Variants in HIBADH observed in about 807,000 individuals in gnomAD.
HIBADH encodes 3-hydroxyisobutyrate dehydrogenase.
In HIBADH, 25 loss-of-function variants were observed where a neutral mutation model predicts 36.1. That is an observed-to-expected ratio of 0.69 (90% CI 0.50 to 0.97). The LOEUF (loss-of-function observed/expected upper bound fraction) is 0.97. HIBADH is among the 50% of genes least tolerant of loss of function. The probability of loss-of-function intolerance (pLI) is 0.00; values close to 1 mark genes in which losing one functional copy is unlikely to be tolerated. For synonymous variants in HIBADH, 160 were observed against 149.5 expected (o/e 1.07, Z -0.51); for missense variants, 421 against 418.0 (o/e 1.01, Z -0.06).
chr7:27,645,205 C>G (rs981364954), intron 2 of HIBADH, among the ~76,000 whole-genome samples: 1 of 151,884 alleles, frequency 6.6e-6, no homozygotes, highest in Non-Finnish European at 1.5e-5. Flanking sequence ...TAATTCTAAA[C>G]TTTTAATTAT....
At chr7:27,633,310 C>T (rs1458426155) in intron 2 of HIBADH, among the ~76,000 whole-genome samples, 3 of 152,128 alleles carry the variant, frequency 2.0e-5, no homozygotes, top group Non-Finnish European at 4.4e-5. Context: ...CAACTGGCAA[C>T]CAAAGAGGTC....
chr7:27,576,527 C>T (rs1425585293), intron 4 of HIBADH, among the ~76,000 whole-genome samples: 1 of 152,156 alleles, frequency 6.6e-6, no homozygotes, highest in Non-Finnish European at 1.5e-5. Context: ...AAGTTGATTA[C>T]TAAACAGTGA....
chr7:27,527,917 CGTTTTTT>C lies in HIBADH; in HGVS notation c.853-1552_853-1546del, dbSNP rs1244199133. Among the ~76,000 whole-genome samples the C allele has an allele frequency of 6.5e-5, 5 of 77,026 alleles. 1 individual carries two copies. The highest frequency in any genetic ancestry group is 1.6e-4 in the Admixed American group (1 of 6,062). 50.5% of individuals were successfully genotyped at this position (77,026 alleles called of 152,430 possible). A position where few individuals can be genotyped will look rare whatever the true frequency, so the allele number is the denominator to read the frequency against. On this transcript the variant is annotated intron_variant, in intron 7 of 7. Coordinates refer to ENST00000265395, the MANE Select transcript of HIBADH (RefSeq NM_152740.4). ...AGGCATTTGCCACCACCACACCCAG[CGTTTTTT>C]TTTTTTTTTTTTTTTTTTAGTAGAG... is the stretch of plus-strand genomic sequence containing the variant.
intron 4 of HIBADH, among the ~76,000 whole-genome samples, chr7:27,600,637 A>G (rs1357373438): frequency 6.6e-6 from 1 of 152,064 alleles, no homozygotes; most frequent in East Asian, 1.9e-4. Flanking sequence ...TCTAGTAAGC[A>G]TTTCTAGAAA....
intron 4 of HIBADH, among the ~76,000 whole-genome samples, chr7:27,596,488 C>T (rs1785035990): frequency 6.6e-6 from 1 of 152,132 alleles, no homozygotes; most frequent in African/African-American, 2.4e-5. Context: ...GCAACATCTA[C>T]CAAAATTTAA....
intron 4 of HIBADH, among the ~76,000 whole-genome samples, chr7:27,594,788 C>T (rs1785003568): frequency 6.6e-6 from 1 of 151,936 alleles, no homozygotes; most frequent in African/African-American, 2.4e-5. Context: ...ACAGAGAGCT[C>T]AGAAAAAGAC....
intron 4 of HIBADH, among the ~76,000 whole-genome samples, chr7:27,573,972 CTTATA>C (rs1247529445): frequency 2.8e-4 from 42 of 152,080 alleles, no homozygotes; most frequent in Admixed American, 2.7e-3. Context: ...ACACATGTGG[CTTATA>C]TTACATTTCT....
intron 4 of HIBADH, among the ~76,000 whole-genome samples, chr7:27,614,206 T>C (rs1168776810): frequency 3.3e-5 from 5 of 152,200 alleles, no homozygotes; most frequent in Admixed American, 2.6e-4. Context: ...CTTTAAGTTG[T>C]TCTGAGTATT....
intron 2 of HIBADH, among the ~76,000 whole-genome samples, chr7:27,644,688 C>T (rs1326067002): frequency 6.6e-6 from 1 of 151,850 alleles, no homozygotes; most frequent in Non-Finnish European, 1.5e-5. Flanking sequence ...TCACTCGAAC[C>T]CAGGAGGTGG....
At chr7:27,657,401 G>A (rs557315766) in intron 1 of HIBADH, among the ~76,000 whole-genome samples, 1 of 152,146 alleles carries the variant, frequency 6.6e-6, no homozygotes, top group Non-Finnish European at 1.5e-5. Flanking sequence ...ACCAGGTGAT[G>A]AGCATTATGT....
chr7:27,620,060 C>G (rs916543302), intron 4 of HIBADH, among the ~76,000 whole-genome samples: 1 of 152,202 alleles, frequency 6.6e-6, no homozygotes, highest in Non-Finnish European at 1.5e-5. Flanking sequence ...GTAGCTCACT[C>G]CTGTAATCCC....
intron 1 of HIBADH, among the ~76,000 whole-genome samples, chr7:27,649,876 T>C (rs929203359): frequency 9.9e-5 from 15 of 151,384 alleles, no homozygotes; most frequent in African/African-American, 3.6e-4. Context: ...CAAAAATAAA[T>C]AATAATATTT....
Position 27,632,369 on chromosome 7 carries a change from A to G in HIBADH, c.329T>C (p.Ile110Thr), listed in dbSNP as rs138022348. 7 of 1,612,710 alleles carry G rather than the reference A, an allele frequency of 4.3e-6. No individual in the cohort carries two copies. Among genetic ancestry groups the G allele is most frequent in the Non-Finnish European group, 5.9e-6 (7 of 1,178,956 alleles). The change falls in exon 3 of 8, where the codon ATA (isoleucine) becomes ACA (threonine). Residue 110 changes from isoleucine to threonine, a missense_variant. Coordinates refer to ENST00000265395, the MANE Select transcript of HIBADH (RefSeq NM_152740.4). ...ITMLPTSINA[I>T]EAYSGANGIL... is the part of the protein sequence containing the mutation. ...CCCATTTGCTCCGGAATAAGCTTCT[A>G]TTGCATTGATACTGGTGGGCAGCAT...
At chr7:27,575,094 T>G (rs1424019838) in intron 4 of HIBADH, among the ~76,000 whole-genome samples, 1 of 152,176 alleles carries the variant, frequency 6.6e-6, no homozygotes, top group Non-Finnish European at 1.5e-5. Context: ...CATTATAAAA[T>G]TATTTTACTT....
intron 3 of HIBADH, 100 bp from the exon 4 acceptor site, chr7:27,629,592 CAAG>C: frequency 1.3e-6 from 1 of 744,282 alleles, no homozygotes. Context: ...TGCCATATAT[CAAG>C]GAGGATTTTA....
intron 4 of HIBADH, among the ~76,000 whole-genome samples, chr7:27,577,843 TG>T: frequency 6.6e-6 from 1 of 152,296 alleles, no homozygotes. Context: ...GCAGAACACA[TG>T]GGTGTGGAGT....
At chr7:27,660,017 T>C (rs1162023546) in intron 1 of HIBADH, among the ~76,000 whole-genome samples, 2 of 152,166 alleles carry the variant, frequency 1.3e-5, no homozygotes, top group Admixed American at 6.5e-5. Flanking sequence ...GTAGGTGCCA[T>C]TGTACTCCTG....
Position 27,662,761 on chromosome 7 carries a change from C to T in HIBADH, c.28G>A (p.Ala10Thr). 1 of 1,447,866 alleles carries T rather than the reference C, an allele frequency of 6.9e-7. No individual in the cohort carries two copies. Among genetic ancestry groups the T allele is most frequent in the Non-Finnish European group, 9.1e-7 (1 of 1,098,504 alleles). 89.7% of individuals were successfully genotyped at this position (1,447,866 alleles called of 1,614,324 possible). A position where few individuals can be genotyped will look rare whatever the true frequency, so the allele number is the denominator to read the frequency against. Residue 10 changes from alanine (A) to threonine (T), a missense_variant, in exon 1 of 8, where the codon GCT (alanine) becomes ACT (threonine). By Grantham distance (58) the Ala-to-Thr change is moderately conservative. Coordinates refer to ENST00000265395, the MANE Select transcript of HIBADH (RefSeq NM_152740.4). ...CTCCAGTACCGGAGACCGGAGGCAG[C>T]TCCGAGGAGCCGTAAGGAGGCTGCC... The part of the protein sequence containing the change: MAASLRLLG[A>T]ASGLRYWSRR...
At chr7:27,602,660 G>A (rs1785150251) in intron 4 of HIBADH, among the ~76,000 whole-genome samples, 1 of 152,024 alleles carries the variant, frequency 6.6e-6, no homozygotes, top group Non-Finnish European at 1.5e-5. Flanking sequence ...CTTCATTGCT[G>A]AACGTTTTAC....
Sources: allele counts gnomAD v4.1 joint callset (sites outside exome capture counted in the v4.1 genomes callset), GRCh38; gene constraint gnomAD v4.1.1; transcripts MANE v1.5; gene names NCBI Gene and HGNC (gene_info 2026-07-23, HGNC 2026-07-21).